ATP6V1A: variants seen among roughly 807,000 people sequenced by gnomAD.
ATP6V1A encodes ATPase H+ transporting V1 subunit A, also known as V-type proton ATPase catalytic subunit A.
A neutral mutation model predicts 70.1 loss-of-function variants in ATP6V1A; 18 were observed. That is an observed-to-expected ratio of 0.26 (90% confidence interval 0.18 to 0.38). ATP6V1A has a LOEUF of 0.38. ATP6V1A is among the 10% of genes least tolerant of loss of function. The pLI is 1.00. For missense variants in ATP6V1A, 424 were observed against 772.4 expected (o/e 0.55, Z 5.35); for synonymous variants, 232 against 253.8 (o/e 0.91, Z 0.82).
At chr3:113,780,827 T>G in intron 2 of ATP6V1A, 1 of 1,329,202 alleles carries the variant, frequency 7.5e-7, no homozygotes, top group Non-Finnish European at 9.9e-7. Context: ...AAAGTTTTCA[T>G]GTATATTATG....
chr3:113,792,665 A>G lies in ATP6V1A; in HGVS notation c.989-2207A>G, dbSNP rs568623287. On this transcript the variant is annotated intron_variant, in intron 8 of 14. Transcript: ENST00000273398. ...TGTACATTTCTTAGGGTAATTTCTT[A>G]GAAGCAAAATTCCTGCCAATACAGC... Among the ~76,000 whole-genome samples, 7 of 152,282 alleles carry G rather than the reference A, an allele frequency of 4.6e-5. No individual in the cohort carries two copies. In the East Asian group the frequency reaches 7.7e-4, roughly 17 times the overall value.
Position 113,786,285 on chromosome 3 carries a change from G to T in ATP6V1A, c.618G>T (p.Val206=). 6.2e-7 allele frequency: 1 copy of T among 1,612,158 alleles called. No homozygotes were observed. The highest frequency in any genetic ancestry group is 8.5e-7 in the Non-Finnish European group (1 of 1,178,828). ...GTGTAAAGGAGAAGTTCACCATGGT[G>T]CAAGTATGGCCTGTACGTCAAGTTC... is the stretch of plus-strand genomic sequence containing the variant. ...FEGVKEKFTM[V]QVWPVRQVRP... is the part of the protein sequence containing the mutation. The change falls in exon 6 of 15, where the codon GTG becomes GTT. Residue 206 remains valine (V), a synonymous_variant. Transcript: ENST00000273398.
chr3:113,795,489 A>G (rs539341749), intron 10 of ATP6V1A, among the ~76,000 whole-genome samples: 1 of 151,876 alleles, frequency 6.6e-6, no homozygotes, highest in African/African-American at 2.4e-5. Context: ...TATAGACATA[A>G]TAAGGTGAGA....
rs148117741 is a variant in ATP6V1A at position 113,775,411 on chromosome 3, G to A, written c.-13-3330G>A. ...CACCCAGCTAATTTTTGTATTTTTA[G>A]TAGAGACAGGGTTTTGCCGTGTTGG... On this transcript the variant is annotated intron_variant, in intron 1 of 14. Transcript: ENST00000273398. Among the ~76,000 whole-genome samples, 702 of 152,100 alleles carry A rather than the reference G, an allele frequency of 4.6e-3. 15 individuals are homozygous for A. The highest frequency in any genetic ancestry group is 0.034 in the Admixed American group (515 of 15,260).
At chr3:113,767,086 CTTTTTTT>C (rs369126041) in intron 1 of ATP6V1A, among the ~76,000 whole-genome samples, 1 of 107,844 alleles carries the variant, frequency 9.3e-6, no homozygotes, top group Non-Finnish European at 1.9e-5. Context: ...GATGTTATGT[CTTTTTTT>C]TTTTTTTTTT....
At chr3:113,793,215 A>G (rs1056190390) in intron 8 of ATP6V1A, among the ~76,000 whole-genome samples, 1 of 151,820 alleles carries the variant, frequency 6.6e-6, no homozygotes, top group Admixed American at 6.6e-5. Flanking sequence ...ATGCACCACC[A>G]CCACACCTGG....
chr3:113,792,120 C>T (rs1709101323), intron 8 of ATP6V1A, among the ~76,000 whole-genome samples: 1 of 152,142 alleles, frequency 6.6e-6, no homozygotes, highest in South Asian at 2.1e-4. Flanking sequence ...GAGGAAGAGA[C>T]AGTGACATAT....
intron 14 of ATP6V1A, among the ~76,000 whole-genome samples, chr3:113,806,491 C>T (rs2108046728): frequency 6.6e-6 from 1 of 151,344 alleles, no homozygotes; most frequent in Non-Finnish European, 1.5e-5. Flanking sequence ...GACAGTCTTG[C>T]TCTGTCATCC....
At chr3:113,782,502 A>G (rs1380060320) in intron 3 of ATP6V1A, among the ~76,000 whole-genome samples, 1 of 147,732 alleles carries the variant, frequency 6.8e-6, no homozygotes. Flanking sequence ...AGCAAATACA[A>G]ATATTTGTAT....
intron 6 of ATP6V1A, 55 bp downstream of exon 6, chr3:113,786,438 G>GT: frequency 6.4e-7 from 1 of 1,559,366 alleles, no homozygotes; most frequent in South Asian, 1.2e-5. Flanking sequence ...ATGTGCTTAT[G>GT]TTTTTATTAT....
chr3:113,788,566 G>C (rs953050650), intron 6 of ATP6V1A, 147 bp from the exon 7 acceptor site: 2 of 586,480 alleles, frequency 3.4e-6, no homozygotes, highest in African/African-American at 3.9e-5. Context: ...GTCTGGTCTC[G>C]AACTCCTCAC....
At chr3:113,752,195 T>C (rs560704551) in intron 1 of ATP6V1A, among the ~76,000 whole-genome samples, 1 of 152,054 alleles carries the variant, frequency 6.6e-6, no homozygotes, top group East Asian at 1.9e-4. Context: ...GTATATGATA[T>C]GATATAGAAG....
chr3:113,807,150 A>G (rs1709283757), intron 14 of ATP6V1A, among the ~76,000 whole-genome samples: 1 of 151,182 alleles, frequency 6.6e-6, no homozygotes, highest in Admixed American at 6.6e-5. Context: ...ACGGATATAC[A>G]CGGTCGTTTA....
chr3:113,803,895 C>A (rs1021793910), intron 13 of ATP6V1A, among the ~76,000 whole-genome samples: 7 of 152,146 alleles, frequency 4.6e-5, no homozygotes, highest in Non-Finnish European at 7.3e-5. Context: ...CTCATATATT[C>A]ATCTATAATT....
In ATP6V1A at chr3:113,779,063, C is replaced by A. The variant is rs1362389848; in HGVS notation, c.82+228C>A. On this transcript the variant is annotated intron_variant, in intron 2 of 14. Coordinates refer to ENST00000273398, the MANE Select transcript of ATP6V1A (RefSeq NM_001690.4). ...TTATTGAGGTACTACTTTGTGATAT[C>A]CTGTTTATAATTATGTAAATGTTCA... 3.3e-5 allele frequency: 11 copies of A among 335,648 alleles called. No individual in the cohort carries two copies. The East Asian group carries it at 3.9e-4, about 12-fold the overall frequency. 20.8% of individuals were successfully genotyped at this position (335,648 alleles called of 1,614,324 possible).
intron 1 of ATP6V1A, among the ~76,000 whole-genome samples, chr3:113,770,603 C>T (rs951360819): frequency 3.3e-5 from 5 of 151,884 alleles, no homozygotes; most frequent in South Asian, 2.1e-4. Context: ...CGCTTGAACC[C>T]GGAAGGTGGA....
intron 1 of ATP6V1A, among the ~76,000 whole-genome samples, chr3:113,756,227 A>ATGTAG (rs1326026576): frequency 1.3e-5 from 2 of 152,196 alleles, no homozygotes; most frequent in African/African-American, 2.4e-5. Flanking sequence ...ATACCGCTAA[A>ATGTAG]CATGTAGCCT....
Position 113,798,403 on chromosome 3 carries a change from A to C in ATP6V1A, c.1451A>C (p.Gln484Pro). The C allele has an allele frequency of 6.2e-7, 1 of 1,614,020 alleles. No homozygotes were observed. Among genetic ancestry groups the C allele is most frequent in the Non-Finnish European group, 8.5e-7 (1 of 1,179,924 alleles). Reference sequence around the variant, plus strand: ...AGGACGAAAGCTAAGGAAATTCTGCAGGAAGAAGAAGACCTGGCAGAAATT... The same window carrying C: ...AGGACGAAAGCTAAGGAAATTCTGCCGGAAGAAGAAGACCTGGCAGAAATT... ...PLRTKAKEIL[Q>P]EEEDLAEIVQ... The change falls in exon 12 of 15, where the codon CAG becomes CCG. Residue 484 changes from glutamine (Q) to proline (P), a missense_variant. Physicochemically the swap from Gln to Pro is moderately conservative, Grantham distance 76. Around this residue, in one of 9 missense-constraint regions of ATP6V1A, gnomAD observed 127 missense variants for 207.9 expected, o/e 0.61. Coordinates refer to ENST00000273398, the MANE Select transcript of ATP6V1A (RefSeq NM_001690.4).
At chr3:113,805,828 C>T (rs1709270201) in intron 14 of ATP6V1A, among the ~76,000 whole-genome samples, 2 of 152,176 alleles carry the variant, frequency 1.3e-5, no homozygotes, top group South Asian at 2.1e-4. Flanking sequence ...CTTGGCCTCA[C>T]AAAGTGCAAT....
Sources: gnomAD v4.1 joint callset for allele counts (sites outside exome capture counted in the v4.1 genomes callset) on GRCh38, gnomAD v4.1.1 for gene constraint, gnomAD v4.1.1 regional missense constraint, MANE v1.5 for transcripts, NCBI Gene and HGNC (gene_info 2026-07-23, HGNC 2026-07-21) for gene names.